Variants in HABP2 observed in about 807,000 individuals in gnomAD.
The protein encoded by HABP2 is hyaluronan binding protein 2, also known as factor VII-activating protease.
In HABP2, 65 loss-of-function variants were observed where a neutral mutation model predicts 66.5. The ratio of observed to expected loss-of-function variants is 0.98; its 90% CI spans 0.80 to 1.20. The LOEUF (loss-of-function observed/expected upper bound fraction) is 1.20, where lower values mean the gene tolerates loss of function less well. HABP2 is among the 50% of genes most tolerant of loss of function. The pLI, the probability that HABP2 is intolerant of heterozygous loss-of-function variation, is 0.00. For missense variants in HABP2, 786 were observed against 691.0 expected (o/e 1.14, Z -1.54); for synonymous variants, 263 against 253.9 (o/e 1.04, Z -0.34).
intron 12 of HABP2, among the ~76,000 whole-genome samples, chr10:113,587,591 A>T (rs1413920792): frequency 6.6e-6 from 1 of 152,190 alleles, no homozygotes; most frequent in East Asian, 1.9e-4. Flanking sequence ...TTTAAGCAGT[A>T]TTAAGTTTTT....
In HABP2 at chr10:113,588,249, C is replaced by T. The variant is rs758845294; in HGVS notation, c.1563C>T (p.Tyr521=). Residue 521 remains tyrosine (Y), a synonymous_variant, in exon 13 of 13, where the codon TAC becomes TAT. Transcript: ENST00000351270. The part of the protein sequence containing the change: ...GPLTCEKDGT[Y]YVYGIVSWGL... ...TGACCTGTGAGAAGGACGGCACCTA[C>T]TACGTCTATGGGATAGTGAGCTGGG... The T allele has an allele frequency of 3.1e-5, 50 of 1,613,302 alleles. No homozygotes were observed. The highest frequency in any genetic ancestry group is 4.2e-5 in the Non-Finnish European group (50 of 1,179,600).
chr10:113,587,333 A>G (rs1027155614), intron 12 of HABP2, among the ~76,000 whole-genome samples: 1 of 128,956 alleles, frequency 7.8e-6, no homozygotes, highest in Non-Finnish European at 1.7e-5. Context: ...ACAAAAACAA[A>G]CAAACAAAAA....
intron 6 of HABP2, 70 bp from the exon 7 acceptor site, chr10:113,578,557 C>A: frequency 9.5e-7 from 1 of 1,052,888 alleles, no homozygotes; most frequent in South Asian, 1.4e-5. Flanking sequence ...GTCACATACC[C>A]ACCAAGCCCT....
rs1845741525 is a variant in HABP2 at position 113,588,842 on chromosome 10, T to TATTA, written c.*474_*477dup. The TATTA allele has an allele frequency of 8.5e-6, 6 of 703,256 alleles. No individual in the cohort carries two copies. The highest frequency in any genetic ancestry group is 3.5e-5 in the African/African-American group (2 of 56,400). The allele number at this position is 703,256 out of a possible 1,614,324, so 43.6% of individuals were successfully genotyped here. On this transcript the variant is annotated 3_prime_UTR_variant, in exon 13 of 13. Coordinates refer to ENST00000351270, the MANE Select transcript of HABP2 (RefSeq NM_004132.5). Reference sequence around the variant, plus strand: ...AACATTCTCCATCTGCTTTCAGAGTTATTATTTTAATAAAGGAAGATCTGG... The same window carrying TATTA: ...AACATTCTCCATCTGCTTTCAGAGTTATTAATTATTTTAATAAAGGAAGATCTGG...
Position 113,588,406 on chromosome 10 carries a change from G to A in HABP2, c.*37G>A. 6.4e-7 allele frequency: 1 copy of A among 1,558,110 alleles called. No individual in the cohort carries two copies. The highest frequency in any genetic ancestry group is 8.7e-7 in the Non-Finnish European group (1 of 1,144,494). On this transcript the variant is annotated 3_prime_UTR_variant, in exon 13 of 13. Coordinates refer to ENST00000351270, the MANE Select transcript of HABP2 (RefSeq NM_004132.5). ...CTGGACCTCAGAGCCCACTCTCCTT[G>A]GCACCCTGACACCGGGAGGCCTCAT...
At chr10:113,580,794 C>G in intron 8 of HABP2, 102 bp downstream of exon 8, 1 of 669,212 alleles carries the variant, frequency 1.5e-6, no homozygotes, top group South Asian at 1.7e-5. Context: ...GTTCTTCCTC[C>G]ACACCTGCTT....
At chr10:113,572,952 G>C (rs1845341041) in intron 2 of HABP2, among the ~76,000 whole-genome samples, 2 of 152,312 alleles carry the variant, frequency 1.3e-5, no homozygotes, top group African/African-American at 4.8e-5. Context: ...AAGCCAGAGA[G>C]ATAAAGACTC....
intron 7 of HABP2, among the ~76,000 whole-genome samples, chr10:113,580,031 T>C (rs778744434): frequency 1.3e-5 from 2 of 152,106 alleles, no homozygotes; most frequent in Non-Finnish European, 2.9e-5. Flanking sequence ...CCACCTGCCT[T>C]GGCCTCCCAA....
Position 113,565,977 on chromosome 10 carries a change from A to G in HABP2, c.70-1512A>G, listed in dbSNP as rs554061122. On this transcript the variant is annotated intron_variant, in intron 1 of 12. Coordinates refer to ENST00000351270, the MANE Select transcript of HABP2 (RefSeq NM_004132.5). Reference sequence around the variant, plus strand: ...TGATATTTTACATCCTCAGTACATCATATCAGGATGCATTATTTCTTTTTA... The same window carrying G: ...TGATATTTTACATCCTCAGTACATCGTATCAGGATGCATTATTTCTTTTTA... Among the ~76,000 whole-genome samples the G allele has an allele frequency of 2.4e-4, 37 of 152,338 alleles. 1 individual carries two copies. The South Asian group carries it at 7.5e-3, about 31-fold the overall frequency.
At chr10:113,587,340 A>AC (rs1554847973) in intron 12 of HABP2, among the ~76,000 whole-genome samples, 3 of 151,668 alleles carry the variant, frequency 2.0e-5, no homozygotes, top group Non-Finnish European at 4.4e-5. Context: ...CAAACAAACA[A>AC]AAAAAAACCT....
In HABP2 at chr10:113,588,419, C is replaced by G. The variant is rs376983033; in HGVS notation, c.*50C>G. ...CCCACTCTCCTTGGCACCCTGACAC[C>G]GGGAGGCCTCATGGCCAACAATGGA... On this transcript the variant is annotated 3_prime_UTR_variant, in exon 13 of 13. Coordinates refer to ENST00000351270, the MANE Select transcript of HABP2 (RefSeq NM_004132.5). The G allele has an allele frequency of 2.0e-6, 3 of 1,474,122 alleles. No homozygotes were observed. The highest frequency in any genetic ancestry group is 2.8e-5 in the African/African-American group (2 of 71,534). 91.3% of individuals were successfully genotyped at this position (1,474,122 alleles called of 1,614,324 possible). A position where few individuals can be genotyped will look rare whatever the true frequency, so the allele number is the denominator to read the frequency against.
intron 11 of HABP2, 70 bp downstream of exon 11, chr10:113,584,352 A>C: frequency 7.4e-7 from 1 of 1,350,832 alleles, no homozygotes; most frequent in Non-Finnish European, 1.1e-6. Context: ...GCCAAACTCA[A>C]CTGCCCTTTT....
Position 113,578,788 on chromosome 10 carries a change from A to G in HABP2, c.730A>G (p.Asn244Asp), listed in dbSNP as rs1246184920. 6.2e-7 allele frequency: 1 copy of G among 1,606,430 alleles called. No homozygotes were observed. ...DAETHGIGEHNFCRNPDADEK... is the reference protein window; with the variant it reads ...DAETHGIGEHDFCRNPDADEK... ...TGAAACCCATGGGATTGGGGAACAC[A>G]ATTTCTGCAGGTAACATTTACCTTA... The change falls in exon 7 of 13, where the codon AAT becomes GAT. Residue 244 changes from asparagine (N) to aspartate (D), a missense_variant. Coordinates refer to ENST00000351270, the MANE Select transcript of HABP2 (RefSeq NM_004132.5).
chr10:113,577,307 C>T, intron 5 of HABP2, 41 bp downstream of exon 5: 2 of 1,052,430 alleles, frequency 1.9e-6, no homozygotes, highest in Non-Finnish European at 3.0e-6. Context: ...CTTTCTGTGC[C>T]CTATCTTGTA....
At position 113,585,896 on chromosome 10, in the gene HABP2, C is replaced by T; in HGVS notation, c.1476C>T (p.Ile492=). ...ACCACATGATTGATGACAGTATGAT[C>T]TGTGCAGGAAATCTTCAGAAACCTG... ...LYDHMIDDSM[I]CAGNLQKPGQ... The change falls in exon 12 of 13, where the codon ATC becomes ATT. Residue 492 remains isoleucine, a synonymous_variant. Coordinates refer to ENST00000351270, the MANE Select transcript of HABP2 (RefSeq NM_004132.5). The T allele has an allele frequency of 6.2e-7, 1 of 1,613,778 alleles. No individual in the cohort carries two copies. The highest frequency in any genetic ancestry group is 2.2e-5 in the East Asian group (1 of 44,892).
At chr10:113,584,053 C>A in intron 10 of HABP2, 95 bp from the exon 11 acceptor site, 2 of 1,041,410 alleles carry the variant, frequency 1.9e-6, no homozygotes, top group Non-Finnish European at 2.9e-6. Flanking sequence ...GCAGGTGGGG[C>A]TTTGCTGTGG....
chr10:113,577,834 C>T (rs566641391), intron 5 of HABP2, among the ~76,000 whole-genome samples, 192 bp from the exon 6 acceptor site: 1 of 152,358 alleles, frequency 6.6e-6, no homozygotes, highest in South Asian at 2.1e-4. Context: ...GCTTCATCCA[C>T]ATTTGCTTAT....
Position 113,589,190 on chromosome 10 carries a change from C to CCCTCCCTTTCCTTT in HABP2, c.*822_*835dup. ...GCACAGGGAGCATTTAACAGGCTCACCCTCCCTTTCCTTTTCCCCTCTTCT... is the reference window on the plus strand; with the variant it reads ...GCACAGGGAGCATTTAACAGGCTCACCCTCCCTTTCCTTTCCTCCCTTTCCTTTTCCCCTCTTCT... On this transcript the variant is annotated 3_prime_UTR_variant, in exon 13 of 13. Transcript: ENST00000351270. 1.3e-6 allele frequency: 1 copy of CCCTCCCTTTCCTTT among 795,516 alleles called. No individual in the cohort carries two copies. Among genetic ancestry groups the CCCTCCCTTTCCTTT allele is most frequent in the Non-Finnish European group, 2.0e-6 (1 of 500,460 alleles). 49.3% of individuals were successfully genotyped at this position (795,516 alleles called of 1,614,324 possible). A position where few individuals can be genotyped will look rare whatever the true frequency, so the allele number is the denominator to read the frequency against.
chr10:113,584,378 G>T lies in HABP2; in HGVS notation c.1372+96G>T, dbSNP rs901688752. On this transcript the variant is annotated intron_variant, in intron 11 of 12. Transcript: ENST00000351270. ...CTGCCCTTTTGAAGTTGAAATGAGTGTCATATTCAAAATGCATCAACCAAA... is the reference window on the plus strand; with the variant it reads ...CTGCCCTTTTGAAGTTGAAATGAGTTTCATATTCAAAATGCATCAACCAAA... The T allele has an allele frequency of 1.1e-5, 11 of 1,012,734 alleles. No individual in the cohort carries two copies. The Admixed American group carries it at 2.1e-4, about 19-fold the overall frequency. The allele number at this position is 1,012,734 out of a possible 1,614,324, so 62.7% of individuals were successfully genotyped here. A position where few individuals can be genotyped will look rare whatever the true frequency, so the allele number is the denominator to read the frequency against.
Sources: allele counts gnomAD v4.1 joint callset (sites outside exome capture counted in the v4.1 genomes callset), GRCh38; gene constraint gnomAD v4.1.1; transcripts MANE v1.5; gene names NCBI Gene and HGNC (gene_info 2026-07-23, HGNC 2026-07-21).